IRAK2: variants seen among roughly 807,000 people sequenced by gnomAD.
IRAK2 encodes interleukin-1 receptor-associated kinase-like 2.
IRAK2 carries 57 observed loss-of-function variants against 72.0 expected under a neutral mutation model. That is an observed-to-expected ratio of 0.79 (90% CI 0.64 to 0.99). The LOEUF is 0.99. IRAK2 is among the 50% of genes least tolerant of loss of function. IRAK2 has a pLI of 0.00. For missense variants in IRAK2, 790 were observed against 794.4 expected, an observed-to-expected ratio of 0.99 and a Z score of 0.07; for synonymous variants, 293 against 312.7, an observed-to-expected ratio of 0.94 and a Z score of 0.67.
chr3:10,242,330 C>G lies in IRAK2; in HGVS notation c.*102C>G. 1.5e-6 allele frequency: 1 copy of G among 646,288 alleles called. No individual in the cohort carries two copies. The allele number at this position is 646,288 out of a possible 1,614,324, so 40.0% of individuals were successfully genotyped here. ...AATCCAAGATCTGCCAGGAAACACA[C>G]AACAAAACATCTGCTGTCCTGGGTG... On this transcript the variant is annotated 3_prime_UTR_variant, in exon 13 of 13. Transcript: ENST00000256458.
chr3:10,230,287 C>G (rs902380005), intron 10 of IRAK2, among the ~76,000 whole-genome samples: 1 of 151,746 alleles, frequency 6.6e-6, no homozygotes, highest in Non-Finnish European at 1.5e-5. Context: ...TAGTACCCCC[C>G]CCCACCGACA....
At chr3:10,208,910 C>T (rs551184644) in intron 3 of IRAK2, among the ~76,000 whole-genome samples, 2 of 152,254 alleles carry the variant, frequency 1.3e-5, no homozygotes, top group African/African-American at 4.8e-5. Context: ...AGAACAGTGC[C>T]TGGCATGATG....
In IRAK2 at chr3:10,184,858, T is replaced by C. The variant is rs893181511; in HGVS notation, c.277+6838T>C. 8.7e-5 allele frequency among the ~76,000 whole-genome samples: 13 copies of C among 150,062 alleles called. 1 individual carries two copies. Among genetic ancestry groups the C allele is most frequent in the East Asian group, 2.0e-4 (1 of 5,124 alleles). ...CATTCTCTTGCCTCAGCCTCCCGAG[T>C]AGCTGGGACTACAGGCGCCCGCCAC... On this transcript the variant is annotated intron_variant, in intron 2 of 12. Coordinates refer to ENST00000256458, the MANE Select transcript of IRAK2 (RefSeq NM_001570.4).
chr3:10,226,722 A>G (rs1286389006), intron 10 of IRAK2, among the ~76,000 whole-genome samples: 2 of 152,042 alleles, frequency 1.3e-5, no homozygotes, highest in African/African-American at 4.8e-5. Context: ...GTTCAAGACC[A>G]GCCTGGCCAA....
chr3:10,226,814 CAT>C (rs1050264633), intron 10 of IRAK2, among the ~76,000 whole-genome samples: 2 of 151,838 alleles, frequency 1.3e-5, no homozygotes, highest in African/African-American at 4.8e-5. Context: ...GGTGTGGTCG[CAT>C]GTGCCTGTAA....
chr3:10,239,299 C>T (rs966726108), intron 12 of IRAK2, among the ~76,000 whole-genome samples: 1 of 152,216 alleles, frequency 6.6e-6, no homozygotes, highest in Non-Finnish European at 1.5e-5. Flanking sequence ...TCTCTGCGTT[C>T]CCCCTTTGTC....
rs1457176323 is a variant in IRAK2 at position 10,219,693 on chromosome 3, C to G, written c.917C>G (p.Pro306Arg). 6.8e-6 allele frequency: 11 copies of G among 1,613,536 alleles called. No individual in the cohort carries two copies. The African/African-American group carries it at 9.3e-5, about 14-fold the overall frequency. ...DRLQGQGGSD[P>R]LPWPQRVSIC... is the part of the protein sequence containing the mutation. ...TCTTTCTCTTAGGGTGGCTCGGACC[C>G]CCTCCCCTGGCCCCAGCGTGTCAGC... is the stretch of plus-strand genomic sequence containing the variant. Residue 306 changes from proline (P) to arginine (R), a missense_variant, in exon 8 of 13, where the codon CCC becomes CGC. Coordinates refer to ENST00000256458, the MANE Select transcript of IRAK2 (RefSeq NM_001570.4).
chr3:10,180,259 T>C (rs937549910), intron 2 of IRAK2, among the ~76,000 whole-genome samples: 1 of 152,130 alleles, frequency 6.6e-6, no homozygotes, highest in African/African-American at 2.4e-5. Context: ...CTGCATGTAC[T>C]TAACTGAGCA....
intron 10 of IRAK2, among the ~76,000 whole-genome samples, chr3:10,233,863 T>G (rs1013141634): frequency 6.6e-6 from 1 of 152,108 alleles, no homozygotes; most frequent in African/African-American, 2.4e-5. Context: ...ATTTTATTAT[T>G]TTTTTGAGAC....
At chr3:10,205,889 C>A (rs1347838555) in intron 3 of IRAK2, among the ~76,000 whole-genome samples, 1 of 152,106 alleles carries the variant, frequency 6.6e-6, no homozygotes, top group African/African-American at 2.4e-5. Context: ...GGGATGCGGG[C>A]CAAGGGTACT....
intron 1 of IRAK2, among the ~76,000 whole-genome samples, chr3:10,167,876 C>T (rs1277383336): frequency 1.3e-5 from 2 of 152,204 alleles, no homozygotes; most frequent in Non-Finnish European, 2.9e-5. Flanking sequence ...GCAAATGTAG[C>T]TCACCGCAGC....
In IRAK2 at chr3:10,207,956, C is replaced by A. The variant is rs185529611; in HGVS notation, c.425-1633C>A. Among the ~76,000 whole-genome samples, 158 of 145,172 alleles carry A rather than the reference C, an allele frequency of 1.1e-3. 1 individual carries two copies. Among genetic ancestry groups the A allele is most frequent in the African/African-American group, 3.9e-3 (153 of 39,234 alleles). On this transcript the variant is annotated intron_variant, in intron 3 of 12. Coordinates refer to ENST00000256458, the MANE Select transcript of IRAK2 (RefSeq NM_001570.4). ...GCAGTGAGCTGAGATTGTGCCACTGCACTCCAGCCTGGGTGACAGAGTGAG... is the reference window on the plus strand; with the variant it reads ...GCAGTGAGCTGAGATTGTGCCACTGAACTCCAGCCTGGGTGACAGAGTGAG...
chr3:10,203,517 G>A (rs1210984712), intron 3 of IRAK2, among the ~76,000 whole-genome samples: 1 of 152,216 alleles, frequency 6.6e-6, no homozygotes. Context: ...TTATCTTAAA[G>A]GATTTTGGTA....
At chr3:10,200,576 T>G in intron 3 of IRAK2, 61 bp downstream of exon 3, 12 of 1,425,932 alleles carry the variant, frequency 8.4e-6, no homozygotes, top group Non-Finnish European at 1.0e-5. Flanking sequence ...AAGATATATC[T>G]ATAAGGACAT....
chr3:10,184,775 G>C (rs1219125577), intron 2 of IRAK2, among the ~76,000 whole-genome samples: 5 of 141,330 alleles, frequency 3.5e-5, no homozygotes, highest in African/African-American at 5.4e-5. Context: ...TGTCGCCCAG[G>C]CTGGAGTGCA....
chr3:10,218,554 C>T (rs1360627561), intron 7 of IRAK2, among the ~76,000 whole-genome samples: 3 of 151,992 alleles, frequency 2.0e-5, no homozygotes, highest in Admixed American at 6.6e-5. Flanking sequence ...GTGAAGTTTC[C>T]CCTAATACAG....
intron 1 of IRAK2, among the ~76,000 whole-genome samples, chr3:10,176,065 GTTT>G (rs58627914): frequency 8.1e-4 from 63 of 77,424 alleles, no homozygotes; most frequent in African/African-American, 2.7e-3. Flanking sequence ...TATTGTCCAT[GTTT>G]TTTTTTTTTT....
chr3:10,225,407 T>G (rs1697758335), intron 9 of IRAK2, among the ~76,000 whole-genome samples: 1 of 152,180 alleles, frequency 6.6e-6, no homozygotes, highest in Non-Finnish European at 1.5e-5. Flanking sequence ...TGTAGAGCCC[T>G]TAGCCATCAT....
At chr3:10,203,663 C>T (rs1359022197) in intron 3 of IRAK2, among the ~76,000 whole-genome samples, 2 of 152,102 alleles carry the variant, frequency 1.3e-5, no homozygotes, top group Admixed American at 6.6e-5. Flanking sequence ...GACAGAGTCT[C>T]GCTCTATCAC....
Sources: gnomAD v4.1 joint callset for allele counts (sites outside exome capture counted in the v4.1 genomes callset) on GRCh38, gnomAD v4.1.1 for gene constraint, MANE v1.5 for transcripts, NCBI Gene and HGNC (gene_info 2026-07-23, HGNC 2026-07-21) for gene names.